The following CORO7 variants were observed in gnomAD, a reference collection of about 807,000 sequenced individuals.
The protein encoded by CORO7 is coronin 7.
Under a neutral mutation model 126.6 loss-of-function variants are expected in CORO7, and 107 were observed. That is an observed-to-expected ratio of 0.85 (90% CI 0.72 to 0.99). The LOEUF (loss-of-function observed/expected upper bound fraction) is 0.99. Among genes scored for constraint, CORO7 ranks in the 50% least tolerant of loss-of-function variants. The pLI, the probability that CORO7 is intolerant of heterozygous loss-of-function variation, is 0.00. For synonymous variants in CORO7, 603 were observed against 536.8 expected, an observed-to-expected ratio of 1.12 and a Z score of -1.70; for missense variants, 1,314 against 1,255.8, an observed-to-expected ratio of 1.05 and a Z score of -0.70.
chr16:4,357,722 T>C, intron 25 of CORO7: 1 of 606,108 alleles, frequency 1.6e-6, no homozygotes, highest in Non-Finnish European at 2.7e-6. Context: ...CCTCACTGTA[T>C]AAGCCCTGCC....
At chr16:4,397,917 T>A (rs927894615) in intron 6 of CORO7, among the ~76,000 whole-genome samples, 1 of 144,560 alleles carries the variant, frequency 6.9e-6, no homozygotes, top group South Asian at 2.2e-4. Context: ...GCCTAGCCTT[T>A]TTTGTTTGTT....
Position 4,360,553 on chromosome 16 carries a change from G to A in CORO7, c.1918-5C>T, listed in dbSNP as rs758839346. On this transcript the variant is annotated splice_polypyrimidine_tract_variant and splice_region_variant and intron_variant, in intron 19 of 27. Coordinates refer to ENST00000251166, the MANE Select transcript of CORO7 (RefSeq NM_024535.5). ...ACTCCAGGCCAGGCTGAAGATCTGGGGGCAGGAAGGGATATGAGAGACAGC... is the reference window on the plus strand; with the variant it reads ...ACTCCAGGCCAGGCTGAAGATCTGGAGGCAGGAAGGGATATGAGAGACAGC... The A allele has an allele frequency of 1.9e-5, 31 of 1,591,220 alleles. No individual in the cohort carries two copies. The highest frequency in any genetic ancestry group is 2.6e-5 in the Non-Finnish European group (30 of 1,169,600).
chr16:4,361,528 A>C (rs2054180036), intron 16 of CORO7, 59 bp from the exon 17 acceptor site: 7 of 1,580,552 alleles, frequency 4.4e-6, no homozygotes, highest in Non-Finnish European at 6.0e-6. Flanking sequence ...GCCAGTCCCC[A>C]GGGGCTGCGG....
chr16:4,394,494 G>A (rs970162813), intron 7 of CORO7, among the ~76,000 whole-genome samples: 2 of 150,138 alleles, frequency 1.3e-5, no homozygotes, highest in African/African-American at 2.4e-5. Flanking sequence ...CACAGCCCAG[G>A]TAACCATGGG....
chr16:4,413,026 G>T, intron 2 of CORO7: 1 of 372,450 alleles, frequency 2.7e-6, no homozygotes, highest in Non-Finnish European at 4.8e-6. Flanking sequence ...GAGCACAGAG[G>T]GACAGCTGGA....
rs181576686 is a variant in CORO7 at position 4,376,573 on chromosome 16, G to A, written c.786-11028C>T. Among the ~76,000 whole-genome samples the A allele has an allele frequency of 1.1e-4, 16 of 152,268 alleles. No individual in the cohort carries two copies. In the East Asian group the frequency reaches 3.1e-3, roughly 29 times the overall value. On this transcript the variant is annotated intron_variant, in intron 9 of 27. Transcript: ENST00000251166. ...GAATCAGTGAGATGTTCTCGCCAGG[G>A]GCTGATGTGGTCACCAGATGCCTGG... is the stretch of plus-strand genomic sequence containing the variant.
chr16:4,412,658 G>C, intron 2 of CORO7: 1 of 545,748 alleles, frequency 1.8e-6, no homozygotes, highest in South Asian at 2.5e-5. Context: ...TAGGCGAGAG[G>C]TCCTCTCTTT....
At position 4,358,026 on chromosome 16, in the gene CORO7, C is replaced by A. The variant is rs769589131; in HGVS notation, c.2535G>T (p.Leu845=). The A allele has an allele frequency of 2.9e-5, 46 of 1,613,064 alleles. No individual in the cohort carries two copies. The highest frequency in any genetic ancestry group is 3.6e-5 in the Non-Finnish European group (42 of 1,179,530). ...GCCAGGGCTGCCCATTAGCGCCTTG[C>A]AGCCAGGCCTCGGCACTGAGCACAG... ...WEPVLSAEAW[L]QGANGQPWLL... is the part of the protein sequence containing the mutation. The change falls in exon 25 of 28, where the codon CTG becomes CTT. Residue 845 remains leucine (L), a synonymous_variant. Transcript: ENST00000251166.
Position 4,362,628 on chromosome 16 carries a change from C to A in CORO7, c.1386G>T (p.Ser462=), listed in dbSNP as rs574030557. The A allele has an allele frequency of 6.4e-7, 1 of 1,559,966 alleles. No individual in the cohort carries two copies. Among genetic ancestry groups the A allele is most frequent in the South Asian group, 1.2e-5 (1 of 84,390 alleles). Residue 462 remains serine (S), a synonymous_variant, in exon 15 of 28, where the codon TCG becomes TCT. Transcript: ENST00000251166. This position sits in a 1 kb window ranked among gnomAD's most constrained non-coding sequence, Gnocchi z 5.3. ...SGIGTSPSLR[S]LQSLLGPSSK... ...CCTCCTTACCCAGCAGGCTCTGCAG[C>A]GACCTCAAACTGGGGCTGGTCCCGA... is the stretch of plus-strand genomic sequence containing the variant.
intron 2 of CORO7, 111 bp downstream of exon 2, chr16:4,413,197 G>A: frequency 2.6e-6 from 3 of 1,173,674 alleles, no homozygotes; most frequent in Non-Finnish European, 3.6e-6. Flanking sequence ...CCCCAAAGCA[G>A]TTCCGTTCCA....
intron 6 of CORO7, among the ~76,000 whole-genome samples, chr16:4,401,216 G>A (rs2055792847): frequency 6.6e-6 from 1 of 152,224 alleles, no homozygotes. Flanking sequence ...TTCGAGGAAG[G>A]TAAAATAGCA....
intron 26 of CORO7, 77 bp from the exon 27 acceptor site, chr16:4,355,449 G>A (rs964974743): frequency 3.5e-6 from 5 of 1,448,688 alleles, no homozygotes; most frequent in Non-Finnish European, 4.6e-6. Context: ...GAACAACCCT[G>A]ACAAGGCTGT....
At chr16:4,415,601 C>T (rs892997818) in intron 1 of CORO7, 7 of 447,578 alleles carry the variant, frequency 1.6e-5, no homozygotes, top group Non-Finnish European at 1.8e-5. Flanking sequence ...ATATAGTCCA[C>T]ACTACAAAAA....
chr16:4,399,638 T>C (rs1244181120), intron 6 of CORO7, among the ~76,000 whole-genome samples: 2 of 152,132 alleles, frequency 1.3e-5, no homozygotes, highest in Admixed American at 6.6e-5. Flanking sequence ...ATGGTGAATT[T>C]TGGCACTTTG....
At chr16:4,413,180 C>G (rs1043186193) in intron 2 of CORO7, 128 bp downstream of exon 2, 1 of 956,932 alleles carries the variant, frequency 1.0e-6, no homozygotes, top group Non-Finnish European at 1.5e-6. Context: ...GGGCTCACCT[C>G]TGAGCCCCCC....
chr16:4,392,143 T>C (rs1438079703), intron 7 of CORO7, among the ~76,000 whole-genome samples: 1 of 151,954 alleles, frequency 6.6e-6, no homozygotes, highest in African/African-American at 2.4e-5. Context: ...CGGGGCCCCC[T>C]CCCGCCCAGA....
At chr16:4,413,616 C>A (rs2056297064) in intron 1 of CORO7, 2 of 444,726 alleles carry the variant, frequency 4.5e-6, no homozygotes, top group Non-Finnish European at 8.0e-6. Flanking sequence ...TGGATCACTG[C>A]AATCTCTGCC....
chr16:4,356,409 ATTTTATTTTTAT>A (rs933741400), intron 26 of CORO7: 8 of 151,982 alleles, frequency 5.3e-5, no homozygotes, highest in Non-Finnish European at 8.8e-5. Context: ...GAGCCACTAT[ATTTTATTTTTAT>A]TTTTATTTTT....
chr16:4,408,590 G>A (rs566340712), intron 3 of CORO7, among the ~76,000 whole-genome samples: 136 of 152,356 alleles, frequency 8.9e-4, no homozygotes, highest in African/African-American at 3.0e-3. Context: ...TTCAGTCGTG[G>A]AAGGTCCCCA....
Sources: gnomAD v4.1 joint callset for allele counts (sites outside exome capture counted in the v4.1 genomes callset) on GRCh38, gnomAD v4.1.1 for gene constraint, Gnocchi (gnomAD v3.1) non-coding constraint, MANE v1.5 for transcripts, NCBI Gene and HGNC (gene_info 2026-07-23, HGNC 2026-07-21) for gene names.